Variants in HTR2C observed in about 807,000 individuals in gnomAD.
The protein encoded by HTR2C is 5-hydroxytryptamine receptor 2C.
Under a neutral mutation model 21.0 loss-of-function variants are expected in HTR2C, and 5 were observed. That is an observed-to-expected ratio of 0.24 (90% confidence interval 0.12 to 0.50). The LOEUF is 0.50. Ranked by LOEUF, HTR2C falls within the 20% of genes least tolerant of loss-of-function variation. The pLI is 0.98. For synonymous variants in HTR2C, 150 were observed against 145.3 expected, an observed-to-expected ratio of 1.03 and a Z score of -0.23; for missense variants, 271 against 371.2, an observed-to-expected ratio of 0.73 and a Z score of 2.22.
At chrX:114,598,758 G>A (rs73580535) in intron 1 of HTR2C, among the ~76,000 whole-genome samples, 11,842 of 110,914 alleles carry the variant, frequency 0.11, 1,571 homozygotes, top group African/African-American at 0.36. Context: ...CATGGATAAC[G>A]TTATGAAAAT....
At chrX:114,761,926 T>TACAC (rs2069876068) in intron 4 of HTR2C, among the ~76,000 whole-genome samples, 1 of 109,813 alleles carries the variant, frequency 9.1e-6, no homozygotes, top group African/African-American at 3.4e-5. Flanking sequence ...TACGTGTATA[T>TACAC]ATACATATAT....
chrX:114,775,835 G>T, intron 4 of HTR2C: 1 of 387,407 alleles, frequency 2.6e-6, no homozygotes, highest in East Asian at 4.5e-5. Flanking sequence ...TTTTTATACA[G>T]GGCCAAGGGT....
intron 4 of HTR2C, among the ~76,000 whole-genome samples, chrX:114,772,223 T>TGTAA (rs1469956656): frequency 8.9e-6 from 1 of 112,492 alleles, no homozygotes; most frequent in Non-Finnish European, 1.9e-5. Context: ...CTGTAAGTTC[T>TGTAA]GTTCTCATAA....
intron 4 of HTR2C, among the ~76,000 whole-genome samples, chrX:114,764,246 A>C (rs1412339245): frequency 5.4e-5 from 6 of 110,510 alleles, no homozygotes; most frequent in Non-Finnish European, 7.6e-5. Flanking sequence ...TAAAAGTACA[A>C]AACTAGCTGG....
chrX:114,593,682 T>A (rs782393615), intron 1 of HTR2C, among the ~76,000 whole-genome samples: 8 of 29,304 alleles, frequency 2.7e-4, no homozygotes, highest in Non-Finnish European at 5.6e-4. Context: ...TAGTGCAAAT[T>A]TGGAGTTAAC....
chrX:114,895,579 T>C (rs1183317328), intron 5 of HTR2C, among the ~76,000 whole-genome samples: 3 of 112,120 alleles, frequency 2.7e-5, no homozygotes, highest in Non-Finnish European at 5.6e-5. Flanking sequence ...TCTGTTTTCT[T>C]CTTTGTATGT....
intron 4 of HTR2C, among the ~76,000 whole-genome samples, chrX:114,740,901 T>C (rs1285510269): frequency 9.0e-6 from 1 of 111,168 alleles, no homozygotes; most frequent in African/African-American, 3.3e-5. Flanking sequence ...AGTGTGTAGG[T>C]ATACCAAAGA....
intron 4 of HTR2C, among the ~76,000 whole-genome samples, chrX:114,756,133 C>G (rs1239561085): frequency 9.1e-6 from 1 of 110,139 alleles, no homozygotes; most frequent in African/African-American, 3.3e-5. Flanking sequence ...AACAACCCCC[C>G]CCAAATCACA....
At chrX:114,591,739 T>A (rs1483715100) in intron 1 of HTR2C, among the ~76,000 whole-genome samples, 1 of 112,307 alleles carries the variant, frequency 8.9e-6, no homozygotes, top group East Asian at 2.8e-4. Flanking sequence ...TAGTTGAAAT[T>A]CAGCAAGAGA....
Position 114,906,887 on chromosome X carries a change from C to T in HTR2C, c.849C>T (p.Asp283=). The T allele has an allele frequency of 8.3e-7, 1 of 1,210,817 alleles. No homozygotes were observed. The highest frequency in any genetic ancestry group is 1.1e-6 in the Non-Finnish European group (1 of 895,384). The change falls in exon 6 of 6, where the codon GAC becomes GAT. Residue 283 remains aspartate (D), a synonymous_variant. Coordinates refer to ENST00000276198, the MANE Select transcript of HTR2C (RefSeq NM_000868.4). ...AGAACTCTGCAAACCCTAACCAAGA[C>T]CAGAACGCACGCCGAAGAAAGAAGA... ...EEENSANPNQ[D]QNARRRKKKE...
intron 5 of HTR2C, among the ~76,000 whole-genome samples, chrX:114,875,430 T>G (rs782241629): frequency 9.8e-5 from 11 of 111,908 alleles, no homozygotes; most frequent in Non-Finnish European, 1.9e-4. Flanking sequence ...AGTTGTTTAT[T>G]TTTGCTTATT....
chrX:114,670,959 G>T (rs998231108), intron 2 of HTR2C, among the ~76,000 whole-genome samples: 1 of 112,086 alleles, frequency 8.9e-6, no homozygotes, highest in East Asian at 2.8e-4. Context: ...TTAAGTTACT[G>T]GCTATTGTCA....
At chrX:114,640,117 C>T (rs782189054) in intron 2 of HTR2C, among the ~76,000 whole-genome samples, 5 of 111,084 alleles carry the variant, frequency 4.5e-5, no homozygotes, top group Admixed American at 2.9e-4. Flanking sequence ...TTATATAATA[C>T]TTAATATATG....
At chrX:114,758,969 A>C (rs1224039094) in intron 4 of HTR2C, among the ~76,000 whole-genome samples, 1 of 112,077 alleles carries the variant, frequency 8.9e-6, no homozygotes, top group African/African-American at 3.2e-5. Context: ...TTTATCATTT[A>C]CATAACAGTG....
At chrX:114,870,373 C>T (rs148255983) in intron 5 of HTR2C, among the ~76,000 whole-genome samples, 1,167 of 110,995 alleles carry the variant, frequency 0.011, 18 homozygotes, top group African/African-American at 0.035. Context: ...TGAGCCACCG[C>T]GCCCAGCCAG....
At chrX:114,668,768 G>A (rs1395768307) in intron 2 of HTR2C, among the ~76,000 whole-genome samples, 1 of 110,837 alleles carries the variant, frequency 9.0e-6, no homozygotes, top group Non-Finnish European at 1.9e-5. Flanking sequence ...AGCACAAAAT[G>A]GAAGAGAGAT....
chrX:114,644,451 G>T (rs1269695178), intron 2 of HTR2C, among the ~76,000 whole-genome samples: 1 of 89,067 alleles, frequency 1.1e-5, no homozygotes, highest in Non-Finnish European at 2.2e-5. Flanking sequence ...TAGTCATATT[G>T]TAAGTGCATG....
chrX:114,800,135 A>G (rs781790749), intron 4 of HTR2C, among the ~76,000 whole-genome samples: 3 of 110,461 alleles, frequency 2.7e-5, no homozygotes, highest in East Asian at 2.9e-4. Flanking sequence ...ATGAAAATGT[A>G]AGAGTGTGAT....
chrX:114,887,322 C>G (rs1556481852), intron 5 of HTR2C, among the ~76,000 whole-genome samples: 1 of 110,978 alleles, frequency 9.0e-6, no homozygotes, highest in East Asian at 2.8e-4. Flanking sequence ...TTTCCTGGCT[C>G]TATTTGTCAG....
Sources: allele counts gnomAD v4.1 joint callset (sites outside exome capture counted in the v4.1 genomes callset), GRCh38; gene constraint gnomAD v4.1.1; transcripts MANE v1.5; gene names NCBI Gene and HGNC (gene_info 2026-07-23, HGNC 2026-07-21).